LRRC53: variants seen among roughly 807,000 people sequenced by gnomAD.
LRRC53 encodes leucine-rich repeat-containing protein 53.
LRRC53 carries 25 observed loss-of-function variants against 13.6 expected under a neutral mutation model. That is an observed-to-expected ratio of 1.83 (90% CI 1.34 to 2.56). The LOEUF (loss-of-function observed/expected upper bound fraction) is 2.56. LRRC53 is among the 30% of genes most tolerant of loss of function. LRRC53 has a pLI of 0.00. For missense variants in LRRC53, 527 were observed against 275.8 expected, an observed-to-expected ratio of 1.91 and a Z score of -6.45; for synonymous variants, 204 against 109.8, an observed-to-expected ratio of 1.86 and a Z score of -5.37.
At chr1:74,497,636 T>C (rs1234015106) in intron 1 of LRRC53, among the ~76,000 whole-genome samples, 1 of 151,502 alleles carries the variant, frequency 6.6e-6, no homozygotes, top group Non-Finnish European at 1.5e-5. Context: ...ACACACACAA[T>C]TGAACCCCAG....
chr1:74,505,464 G>A (rs912290384), intron 1 of LRRC53, among the ~76,000 whole-genome samples: 1 of 152,184 alleles, frequency 6.6e-6, no homozygotes, highest in Non-Finnish European at 1.5e-5. Context: ...TAATGATTCA[G>A]ATACAAGAGC....
the LRRC53 span, among the ~76,000 whole-genome samples, chr1:74,534,224 T>G: frequency 2.6e-5 from 1 of 38,318 alleles, no homozygotes; most frequent in Non-Finnish European, 4.2e-5. Flanking sequence ...ATTTCACTCT[T>G]AACTTTCAAG....
the LRRC53 span, among the ~76,000 whole-genome samples, chr1:74,525,292 A>G: frequency 6.6e-6 from 1 of 152,310 alleles, no homozygotes; most frequent in South Asian, 2.1e-4. Context: ...CGTGTATACC[A>G]TCTCATATAA....
intron 1 of LRRC53, among the ~76,000 whole-genome samples, chr1:74,488,048 G>T (rs760926356): frequency 1.3e-5 from 2 of 152,182 alleles, no homozygotes; most frequent in African/African-American, 2.4e-5. Context: ...CAGAGGTCAG[G>T]CTATTTTAAT....
intron 2 of LRRC53, among the ~76,000 whole-genome samples, chr1:74,482,170 T>G (rs192906766): frequency 1.3e-5 from 2 of 152,280 alleles, no homozygotes; most frequent in Admixed American, 1.3e-4. Flanking sequence ...CCCCAGTCCT[T>G]TAGGGATTTA....
At chr1:74,503,640 C>A (rs1363168067) in intron 1 of LRRC53, among the ~76,000 whole-genome samples, 1 of 152,110 alleles carries the variant, frequency 6.6e-6, no homozygotes, top group Non-Finnish European at 1.5e-5. Flanking sequence ...ACATGCACTT[C>A]CTGAACGTCA....
At chr1:74,518,873 C>CTTTTTTTTTTTT in the LRRC53 span, among the ~76,000 whole-genome samples, 34 of 100,362 alleles carry the variant, frequency 3.4e-4, 1 homozygote, top group Admixed American at 5.2e-4. Flanking sequence ...TTTTTTTTCC[C>CTTTTTTTTTTTT]CTTTTTTTTT....
At position 74,471,232 on chromosome 1, in the gene LRRC53, G is replaced by A. The variant is rs79413610; in HGVS notation, c.2390C>T (p.Pro797Leu). The change falls in exon 5 of 5, where the codon CCA becomes CTA. Residue 797 changes from proline to leucine, a missense_variant. Coordinates refer to ENST00000294635, the MANE Select transcript of LRRC53 (RefSeq NM_001382280.1). ...LPLKHDSKQT[P>L]YYQRNTKRAP... The stretch of plus-strand genomic sequence containing the variant: ...ACGTTTAGTGTTTCGTTGATAATAT[G>A]GGGTCTGCTTTGAGTCATGTTTCAG... The A allele has an allele frequency of 8.4e-3, 3,359 of 400,666 alleles. 84 individuals carry two copies. The highest frequency in any genetic ancestry group is 0.055 in the African/African-American group (2,667 of 48,760). 24.8% of individuals were successfully genotyped at this position (400,666 alleles called of 1,614,324 possible).
At chr1:74,489,755 A>G (rs1668957129) in intron 1 of LRRC53, among the ~76,000 whole-genome samples, 1 of 152,198 alleles carries the variant, frequency 6.6e-6, no homozygotes, top group African/African-American at 2.4e-5. Flanking sequence ...TTGCCTTATT[A>G]AAGCTGTTTG....
intron 1 of LRRC53, among the ~76,000 whole-genome samples, chr1:74,493,940 A>G (rs1373672543): frequency 6.6e-6 from 1 of 152,224 alleles, no homozygotes; most frequent in Non-Finnish European, 1.5e-5. Flanking sequence ...CCATATGGCA[A>G]AAGGCATGGG....
At position 74,480,582 on chromosome 1, in the gene LRRC53, G is replaced by A. The variant is rs765989037; in HGVS notation, c.475C>T (p.Leu159Phe). ...TTGTTGGATAAATCCAGATACCTGA[G>A]ACTGTGGAGATTCGTGCCTCCGAAA... ...SSFGGTNLHS[L>F]RYLDLSNNFI... is the part of the protein sequence containing the mutation. The change falls in exon 3 of 5, where the codon CTC becomes TTC. Residue 159 changes from leucine (L) to phenylalanine (F), a missense_variant. Coordinates refer to ENST00000294635, the MANE Select transcript of LRRC53 (RefSeq NM_001382280.1). 4.2e-6 allele frequency: 3 copies of A among 717,164 alleles called. No homozygotes were observed. The highest frequency in any genetic ancestry group is 2.7e-5 in the East Asian group (1 of 37,298). 44.4% of individuals were successfully genotyped at this position (717,164 alleles called of 1,614,324 possible). A position where few individuals can be genotyped will look rare whatever the true frequency, so the allele number is the denominator to read the frequency against.
At chr1:74,481,035 G>A in intron 2 of LRRC53, 67 bp from the exon 3 acceptor site, 1 of 635,446 alleles carries the variant, frequency 1.6e-6, no homozygotes, top group African/African-American at 1.8e-5. Context: ...GTATGGTGGA[G>A]AGCAGAGAAT....
At chr1:74,521,990 T>TA in the LRRC53 span, among the ~76,000 whole-genome samples, 3 of 151,954 alleles carry the variant, frequency 2.0e-5, no homozygotes, top group Admixed American at 2.0e-4. Context: ...CCAGGTAGAG[T>TA]AAAAAAAATT....
At chr1:74,516,608 G>A (rs137910358), upstream of LRRC53, among the ~76,000 whole-genome samples, 47 of 152,286 alleles carry the variant, frequency 3.1e-4, 1 homozygote, top group East Asian at 5.0e-3. Context: ...GACCTGGACC[G>A]TGGGACCTTG....
chr1:74,523,896 A>G, the LRRC53 span, among the ~76,000 whole-genome samples: 5,934 of 152,108 alleles, frequency 0.039, 383 homozygotes, highest in African/African-American at 0.13. Context: ...TCTACATTAA[A>G]CATTTCTCCT....
intron 1 of LRRC53, among the ~76,000 whole-genome samples, chr1:74,506,824 G>T (rs984069350): frequency 6.6e-6 from 1 of 151,908 alleles, no homozygotes; most frequent in Non-Finnish European, 1.5e-5. Flanking sequence ...TTGTTTTACT[G>T]CTCCCTATGA....
chr1:74,496,824 AG>A (rs1669351130), intron 1 of LRRC53, among the ~76,000 whole-genome samples: 1 of 152,192 alleles, frequency 6.6e-6, no homozygotes, highest in Admixed American at 6.5e-5. Context: ...CTCCTCCCAC[AG>A]GGTATGAAAT....
chr1:74,526,794 A>T, the LRRC53 span, among the ~76,000 whole-genome samples: 1 of 152,198 alleles, frequency 6.6e-6, no homozygotes, highest in African/African-American at 2.4e-5. Flanking sequence ...GGAGAGCAAC[A>T]CGTATAGGAC....
chr1:74,493,750 T>C (rs1033630668), intron 1 of LRRC53, among the ~76,000 whole-genome samples: 1 of 152,190 alleles, frequency 6.6e-6, no homozygotes, highest in South Asian at 2.1e-4. Flanking sequence ...ACCTGGGGTA[T>C]ATTCTTCTCA....
Sources: gnomAD v4.1 joint callset for allele counts (sites outside exome capture counted in the v4.1 genomes callset) on GRCh38, gnomAD v4.1.1 for gene constraint, MANE v1.5 for transcripts, NCBI Gene and HGNC (gene_info 2026-07-23, HGNC 2026-07-21) for gene names.